The following PAQR8 variants were observed in gnomAD, a reference collection of about 807,000 sequenced individuals.
PAQR8 encodes the protein progestin and adipoQ receptor family member 8.
A neutral mutation model predicts 25.2 loss-of-function variants in PAQR8; 17 were observed. That is an observed-to-expected ratio of 0.67 (90% CI 0.46 to 1.01). The LOEUF (loss-of-function observed/expected upper bound fraction) is 1.01. Among genes scored for constraint, PAQR8 ranks in the 50% least tolerant of loss-of-function variants. The probability of loss-of-function intolerance (pLI) is 0.00; values close to 1 mark genes in which losing one functional copy is unlikely to be tolerated. For missense variants in PAQR8, 392 were observed against 448.4 expected, an observed-to-expected ratio of 0.87 and a Z score of 1.14; for synonymous variants, 204 against 190.6, an observed-to-expected ratio of 1.07 and a Z score of -0.58.
intron 1 of PAQR8, among the ~76,000 whole-genome samples, chr6:52,373,259 C>A (rs927221200): frequency 6.6e-6 from 1 of 152,168 alleles, no homozygotes; most frequent in African/African-American, 2.4e-5. Flanking sequence ...TTAATGGATT[C>A]TATTAGGGCA....
intron 1 of PAQR8, among the ~76,000 whole-genome samples, chr6:52,389,496 T>G (rs1370229628): frequency 6.6e-6 from 1 of 151,514 alleles, no homozygotes; most frequent in African/African-American, 2.4e-5. Flanking sequence ...CCAAAATATG[T>G]GGAATAGATA....
chr6:52,406,174 T>TG lies in PAQR8; in HGVS notation c.*1901dup, dbSNP rs1020556821. 1 of 231,444 alleles carries TG rather than the reference T, an allele frequency of 4.3e-6. No homozygotes were observed. Among genetic ancestry groups the TG allele is most frequent in the Admixed American group, 5.9e-5 (1 of 17,074 alleles). 14.3% of individuals were successfully genotyped at this position (231,444 alleles called of 1,614,324 possible). ...AACTGGGTTGAACTGAACAAGAGGATGGGGGAATTGTGCAAATACGTTGTT... is the reference window on the plus strand; with the variant it reads ...AACTGGGTTGAACTGAACAAGAGGATGGGGGGAATTGTGCAAATACGTTGTT... On this transcript the variant is annotated 3_prime_UTR_variant, in exon 2 of 2. Transcript: ENST00000442253.
chr6:52,397,543 C>T (rs891986086), intron 1 of PAQR8, among the ~76,000 whole-genome samples: 1 of 152,186 alleles, frequency 6.6e-6, no homozygotes, highest in African/African-American at 2.4e-5. Context: ...TTCTAAGCTT[C>T]TTGAGGTAAA....
chr6:52,379,619 C>T (rs1009311393), intron 1 of PAQR8, among the ~76,000 whole-genome samples: 16 of 77,240 alleles, frequency 2.1e-4, no homozygotes, highest in East Asian at 4.4e-4. Flanking sequence ...ACCCAGCTTT[C>T]TTTTTTTTTT....
At chr6:52,375,186 C>T (rs148479391) in intron 1 of PAQR8, among the ~76,000 whole-genome samples, 3 of 152,130 alleles carry the variant, frequency 2.0e-5, no homozygotes, top group Non-Finnish European at 4.4e-5. Context: ...CTGAGCCCCA[C>T]CTCCCTCAAG....
chr6:52,364,112 G>T (rs1554254758), intron 1 of PAQR8, among the ~76,000 whole-genome samples: 2 of 46,638 alleles, frequency 4.3e-5, no homozygotes, highest in South Asian at 5.7e-4. Flanking sequence ...TTGCGGGTGT[G>T]TGTATGCACC....
Position 52,403,470 on chromosome 6 carries a change from C to T in PAQR8, c.257C>T (p.Ala86Val). 2 of 1,614,140 alleles carry T rather than the reference C, an allele frequency of 1.2e-6. No individual in the cohort carries two copies. Among genetic ancestry groups the T allele is most frequent in the Non-Finnish European group, 1.7e-6 (2 of 1,180,044 alleles). The change falls in exon 2 of 2, where the codon GCC (alanine) becomes GTC (valine). Residue 86 changes from alanine to valine, a missense_variant. By Grantham distance (64) the Ala-to-Val change is moderately conservative. Transcript: ENST00000442253. ...AACGTCTGGACCCATTTACTGGCAG[C>T]CCTGGCCGTCCTCTTGCGATTCTGG... ...VVNVWTHLLA[A>V]LAVLLRFWAF...
intron 1 of PAQR8, among the ~76,000 whole-genome samples, chr6:52,376,387 T>C (rs946546964): frequency 6.6e-6 from 1 of 152,200 alleles, no homozygotes; most frequent in African/African-American, 2.4e-5. Context: ...GATCAGACTG[T>C]GTATGCACTG....
In PAQR8 at chr6:52,406,338, A is replaced by ACTGGTGGTAAGTAT. The variant is rs1282273325; in HGVS notation, c.*2060_*2061insCTGGTGGTAAGTAT. ...GAAGAAGGTGTAAGTCAAGCTCTTG[A>ACTGGTGGTAAGTAT]ATATAACTGGTGGTATTGTGGGCAG... On this transcript the variant is annotated 3_prime_UTR_variant, in exon 2 of 2. Coordinates refer to ENST00000442253, the MANE Select transcript of PAQR8 (RefSeq NM_133367.5). The ACTGGTGGTAAGTAT allele has an allele frequency of 1.2e-5, 5 of 411,204 alleles. No homozygotes were observed. The highest frequency in any genetic ancestry group is 1.0e-4 in the African/African-American group (5 of 48,604). The allele number at this position is 411,204 out of a possible 1,614,324, so 25.5% of individuals were successfully genotyped here.
rs772314879 is a variant in PAQR8, at chr6:52,402,632, A to AAAAG, written c.-52-518_-52-515dup. Among the ~76,000 whole-genome samples the AAAAG allele has an allele frequency of 1.6e-3, 181 of 115,282 alleles. 2 individuals carry two copies. Among genetic ancestry groups the AAAAG allele is most frequent in the Non-Finnish European group, 1.5e-3 (81 of 52,858 alleles). 75.6% of individuals were successfully genotyped at this position (115,282 alleles called of 152,430 possible). A position where few individuals can be genotyped will look rare whatever the true frequency, so the allele number is the denominator to read the frequency against. ...AACTCTGTCTCAAAAAAAAAAAAAA[A>AAAAG]AAAGAAAGAAAGAAAAAAAAGAATA... On this transcript the variant is annotated intron_variant, in intron 1 of 1. Coordinates refer to ENST00000442253, the MANE Select transcript of PAQR8 (RefSeq NM_133367.5).
At position 52,368,494 on chromosome 6, in the gene PAQR8, A is replaced by G. The variant is rs554203524; in HGVS notation, c.-53+6245A>G. ...ATGCATGACTTGTATTTAAAAAAAAAGAAGAAAAGGGAATTAAAAATATCT... is the reference window on the plus strand; with the variant it reads ...ATGCATGACTTGTATTTAAAAAAAAGGAAGAAAAGGGAATTAAAAATATCT... On this transcript the variant is annotated intron_variant, in intron 1 of 1. Transcript: ENST00000442253. 9.8e-4 allele frequency among the ~76,000 whole-genome samples: 149 copies of G among 152,324 alleles called. 1 individual carries two copies. The highest frequency in any genetic ancestry group is 3.5e-3 in the African/African-American group (144 of 41,582).
chr6:52,392,270 G>A (rs1020798519), intron 1 of PAQR8, among the ~76,000 whole-genome samples: 23 of 151,898 alleles, frequency 1.5e-4, no homozygotes, highest in African/African-American at 5.6e-4. Context: ...CTTGAACCCA[G>A]GAGGCGGAGG....
Position 52,403,537 on chromosome 6 carries a change from C to G in PAQR8, c.324C>G (p.His108Gln). ...EAEALPWAST[H>Q]SLPLLLFILS... The stretch of plus-strand genomic sequence containing the variant: ...AGGCCTTGCCATGGGCGTCTACCCA[C>G]TCCCTGCCTCTGCTCCTCTTCATCC... Residue 108 changes from histidine to glutamine, a missense_variant, in exon 2 of 2, where the codon CAC becomes CAG. Transcript: ENST00000442253. 1 of 1,614,084 alleles carries G rather than the reference C, an allele frequency of 6.2e-7. No homozygotes were observed. Among genetic ancestry groups the G allele is most frequent in the Non-Finnish European group, 8.5e-7 (1 of 1,180,044 alleles).
rs1372097796 is a variant in PAQR8, at chr6:52,362,753, CGGA to C, written c.-53+509_-53+511del. Among the ~76,000 whole-genome samples, 4 of 151,938 alleles carry C rather than the reference CGGA, an allele frequency of 2.6e-5. No individual in the cohort carries two copies. The highest frequency in any genetic ancestry group is 9.7e-5 in the African/African-American group (4 of 41,364). On this transcript the variant is annotated intron_variant, in intron 1 of 1. Transcript: ENST00000442253. This position sits in a 1 kb window ranked among gnomAD's most constrained non-coding sequence, Gnocchi z 4.1. Reference sequence around the variant, plus strand: ...GGGAACGGAACCTGGGAGGGGAGTGCGGAGGAGAGGAAGCCCGGGGCGGTAGGG... The same window carrying C: ...GGGAACGGAACCTGGGAGGGGAGTGCGGAGAGGAAGCCCGGGGCGGTAGGG...
At chr6:52,389,738 T>C (rs780937603) in intron 1 of PAQR8, among the ~76,000 whole-genome samples, 8 of 152,230 alleles carry the variant, frequency 5.3e-5, no homozygotes, top group Non-Finnish European at 8.8e-5. Context: ...TTTCTTTATA[T>C]GGTGCTCCAA....
chr6:52,403,597 G>C lies in PAQR8; in HGVS notation c.384G>C (p.Leu128=). ...TCACTTACCTCACCTGCAGCCTTCT[G>C]GCCCACCTGCTGCAGTCCAAGTCAG... ...SSITYLTCSL[L]AHLLQSKSEL... is the part of the protein sequence containing the mutation. Residue 128 remains leucine (L), a synonymous_variant, in exon 2 of 2, where the codon CTG becomes CTC. Coordinates refer to ENST00000442253, the MANE Select transcript of PAQR8 (RefSeq NM_133367.5). 1.2e-6 allele frequency: 2 copies of C among 1,614,080 alleles called. No homozygotes were observed. The highest frequency in any genetic ancestry group is 8.5e-7 in the Non-Finnish European group (1 of 1,180,038).
rs1174425521 is a variant in PAQR8, at chr6:52,362,981, G to T, written c.-53+732G>T. 6.6e-6 allele frequency among the ~76,000 whole-genome samples: 1 copy of T among 152,142 alleles called. No individual in the cohort carries two copies. The highest frequency in any genetic ancestry group is 1.5e-5 in the Non-Finnish European group (1 of 68,020). On this transcript the variant is annotated intron_variant, in intron 1 of 1. Transcript: ENST00000442253. This position sits in a 1 kb window ranked among gnomAD's most constrained non-coding sequence, Gnocchi z 4.1. ...GGCTGGATGGGAACGCCGCGGTGGG[G>T]TGTCGGAGGTGGCTGGTGGGGCTGG... is the stretch of plus-strand genomic sequence containing the variant.
chr6:52,395,842 C>T (rs1763761397), intron 1 of PAQR8, among the ~76,000 whole-genome samples: 1 of 151,946 alleles, frequency 6.6e-6, no homozygotes, highest in Non-Finnish European at 1.5e-5. Flanking sequence ...CTCCTCTCAC[C>T]CACCCACCCT....
At position 52,403,394 on chromosome 6, in the gene PAQR8, G is replaced by A. The variant is rs1429336055; in HGVS notation, c.181G>A (p.Glu61Lys). 5.0e-6 allele frequency: 8 copies of A among 1,614,124 alleles called. No individual in the cohort carries two copies. In the East Asian group the frequency reaches 6.7e-5, roughly 13 times the overall value. Residue 61 changes from glutamate (E) to lysine (K), a missense_variant, in exon 2 of 2, where the codon GAG (glutamate) becomes AAG (lysine). By Grantham distance (56) the Glu-to-Lys change is moderately conservative (BLOSUM62 1). Coordinates refer to ENST00000442253, the MANE Select transcript of PAQR8 (RefSeq NM_133367.5). ...CACCGGCTACCGCCCCACGGGGCAC[G>A]AGTGGCGCTACTACTTCTTCAGCCT... is the stretch of plus-strand genomic sequence containing the variant. Reference protein sequence around the residue: ...IRTGYRPTGHEWRYYFFSLFQ... With the variant: ...IRTGYRPTGHKWRYYFFSLFQ...
Sources: gnomAD v4.1 joint callset for allele counts (sites outside exome capture counted in the v4.1 genomes callset) on GRCh38, gnomAD v4.1.1 for gene constraint, Gnocchi (gnomAD v3.1) non-coding constraint, MANE v1.5 for transcripts, NCBI Gene and HGNC (gene_info 2026-07-23, HGNC 2026-07-21) for gene names.